Variants in RBM44 observed in about 807,000 individuals in gnomAD.
RBM44 encodes the protein RNA-binding protein 44.
In RBM44, 66 loss-of-function variants were observed where a neutral mutation model predicts 105.1. That is an observed-to-expected ratio of 0.63 (90% CI 0.52 to 0.77). The LOEUF (loss-of-function observed/expected upper bound fraction) is 0.77, where lower values mean the gene tolerates loss of function less well. RBM44 is among the 30% of genes least tolerant of loss of function. The pLI is 0.00. For missense variants in RBM44, 1,122 were observed against 1,207.8 expected (o/e 0.93, Z 1.05); for synonymous variants, 365 against 417.6 (o/e 0.87, Z 1.54).
intron 1 of RBM44, among the ~76,000 whole-genome samples, chr2:237,806,684 T>C (rs972010601): frequency 2.0e-5 from 3 of 152,228 alleles, no homozygotes; most frequent in Non-Finnish European, 2.9e-5. Context: ...AAGGGAGATA[T>C]ATAAAAGAAA....
At chr2:237,831,532 C>G (rs761199017) in intron 13 of RBM44, among the ~76,000 whole-genome samples, 7 of 152,156 alleles carry the variant, frequency 4.6e-5, no homozygotes, top group Non-Finnish European at 8.8e-5. Flanking sequence ...ATCTGCTCAC[C>G]TCGGCCTCCC....
Position 237,818,169 on chromosome 2 carries a change from C to T in RBM44, c.1250C>T (p.Ala417Val), listed in dbSNP as rs368176430. The T allele has an allele frequency of 2.7e-5, 43 of 1,612,960 alleles. No individual in the cohort carries two copies. Among genetic ancestry groups the T allele is most frequent in the Non-Finnish European group, 3.6e-5 (43 of 1,179,456 alleles). ...TTTTCTGCTATGCTACCAAAGATCG[C>T]AGTCAGAGATAATCAGGCAATAGAA... Reference protein sequence around the residue: ...LDFSAMLPKIAVRDNQAIEDN... With the variant: ...LDFSAMLPKIVVRDNQAIEDN... The change falls in exon 3 of 16, where the codon GCA (alanine) becomes GTA (valine). Residue 417 changes from alanine (A) to valine (V), a missense_variant. Ala to Val is a moderately conservative substitution (Grantham distance 64). This residue lies in a region of RBM44 where 918 missense variants were observed against 955.3 expected (regional missense o/e 0.96). Transcript: ENST00000316997. This position sits in a 1 kb window ranked among gnomAD's most constrained non-coding sequence, Gnocchi z 4.6.
At chr2:237,825,880 T>C (rs1308900463) in intron 10 of RBM44, among the ~76,000 whole-genome samples, 2 of 152,158 alleles carry the variant, frequency 1.3e-5, no homozygotes, top group Admixed American at 1.3e-4. Flanking sequence ...AATACATCAT[T>C]ATTCAAAGAG....
intron 1 of RBM44, among the ~76,000 whole-genome samples, chr2:237,805,095 A>G (rs2061585395): frequency 6.6e-6 from 1 of 152,234 alleles, no homozygotes; most frequent in Non-Finnish European, 1.5e-5. Context: ...AGAAAACCCC[A>G]TAGTCTATTC....
intron 1 of RBM44, among the ~76,000 whole-genome samples, chr2:237,810,498 A>G (rs1249798530): frequency 1.3e-5 from 2 of 152,174 alleles, no homozygotes; most frequent in Non-Finnish European, 2.9e-5. Flanking sequence ...CATTTTTCCA[A>G]GTCTCACCTT....
chr2:237,810,595 C>A (rs962627486), intron 1 of RBM44, among the ~76,000 whole-genome samples: 3 of 152,074 alleles, frequency 2.0e-5, no homozygotes, highest in Non-Finnish European at 4.4e-5. Flanking sequence ...ACAAATTTTG[C>A]AAAAGAGAAA....
chr2:237,817,155 CA>C lies in RBM44; in HGVS notation c.237del (p.Ser82GlnfsTer2). On this transcript the variant is annotated frameshift_variant, in exon 3 of 16. Transcript: ENST00000316997. LOFTEE classifies it high-confidence loss of function. ...SNIDKMDLLE[P>X]FFSVSQDTNT... ...ATTGACAAAATGGATTTATTAGAGCCATTTTTTTCAGTGAGTCAAGATACTA... is the reference window on the plus strand; with the variant it reads ...ATTGACAAAATGGATTTATTAGAGCCTTTTTTTCAGTGAGTCAAGATACTA... The C allele has an allele frequency of 6.2e-7, 1 of 1,606,550 alleles. No homozygotes were observed. Among genetic ancestry groups the C allele is most frequent in the Non-Finnish European group, 8.5e-7 (1 of 1,177,236 alleles).
Position 237,817,135 on chromosome 2 carries a change from C to A in RBM44, c.216C>A (p.Asp72Glu). The part of the protein sequence containing the change: ...RANNKEISNI[D>E]KMDLLEPFFS... Reference sequence around the variant, plus strand: ...ATAATAAAGAAATCAGCAATATTGACAAAATGGATTTATTAGAGCCATTTT... The same window carrying A: ...ATAATAAAGAAATCAGCAATATTGAAAAAATGGATTTATTAGAGCCATTTT... Residue 72 changes from aspartate (D) to glutamate (E), a missense_variant, in exon 3 of 16, where the codon GAC becomes GAA. Around this residue, in one of 3 missense-constraint regions of RBM44, gnomAD observed 918 missense variants for 955.3 expected, o/e 0.96. Coordinates refer to ENST00000316997, the MANE Select transcript of RBM44 (RefSeq NM_001080504.3). 1 of 1,608,614 alleles carries A rather than the reference C, an allele frequency of 6.2e-7. No homozygotes were observed. Among genetic ancestry groups the A allele is most frequent in the Non-Finnish European group, 8.5e-7 (1 of 1,177,980 alleles).
intron 8 of RBM44, among the ~76,000 whole-genome samples, chr2:237,822,882 T>C (rs1236087697): frequency 6.6e-6 from 1 of 152,126 alleles, no homozygotes; most frequent in East Asian, 1.9e-4. Context: ...CTCAGTATAG[T>C]GTTTCTAAAT....
intron 2 of RBM44, among the ~76,000 whole-genome samples, chr2:237,813,984 A>G (rs987378779): frequency 6.6e-6 from 1 of 152,196 alleles, no homozygotes; most frequent in African/African-American, 2.4e-5. Context: ...GAAAGTGAGC[A>G]GGTTGACTTC....
chr2:237,824,863 A>C (rs1046396130), intron 10 of RBM44, among the ~76,000 whole-genome samples: 3 of 152,234 alleles, frequency 2.0e-5, no homozygotes, highest in Admixed American at 2.0e-4. Flanking sequence ...GATAGTCCTT[A>C]ATTGCTTAGA....
chr2:237,808,514 C>T (rs1480071579), intron 1 of RBM44, among the ~76,000 whole-genome samples: 1 of 149,620 alleles, frequency 6.7e-6, no homozygotes, highest in Non-Finnish European at 1.5e-5. Context: ...AATTCTAGAA[C>T]TAAAAATTTC....
intron 1 of RBM44, among the ~76,000 whole-genome samples, chr2:237,804,349 G>A (rs537414721): frequency 6.6e-6 from 1 of 152,200 alleles, no homozygotes; most frequent in Non-Finnish European, 1.5e-5. Context: ...TGGTAGCTCT[G>A]TTTTAAGTTG....
chr2:237,809,982 A>C (rs942582012), intron 1 of RBM44, among the ~76,000 whole-genome samples: 2 of 152,226 alleles, frequency 1.3e-5, no homozygotes, highest in Non-Finnish European at 2.9e-5. Context: ...TAAATCAAAA[A>C]TGGCAAACCT....
At chr2:237,839,359 C>T (rs542293242) in intron 15 of RBM44, among the ~76,000 whole-genome samples, 91 of 152,184 alleles carry the variant, frequency 6.0e-4, no homozygotes, top group African/African-American at 2.2e-3. Context: ...CTGCAACCTC[C>T]ACCTCCCAGA....
Position 237,820,256 on chromosome 2 carries a change from A to G in RBM44, c.1818A>G (p.Ala606=). The G allele has an allele frequency of 1.3e-6, 2 of 1,596,846 alleles. No homozygotes were observed. Among genetic ancestry groups the G allele is most frequent in the Non-Finnish European group, 1.7e-6 (2 of 1,169,262 alleles). The change falls in exon 5 of 16, where the codon GCA becomes GCG. Residue 606 remains alanine (A), a synonymous_variant. Coordinates refer to ENST00000316997, the MANE Select transcript of RBM44 (RefSeq NM_001080504.3). ...CQKIMQRAIK[A]ELHLLNVHYQ... is the part of the protein sequence containing the mutation. ...AGATAATGCAGAGAGCCATAAAAGC[A>G]GAGCTGCACCTTTTAAATGTTCACT... is the stretch of plus-strand genomic sequence containing the variant.
At chr2:237,800,788 A>T (rs976288353) in intron 1 of RBM44, among the ~76,000 whole-genome samples, 1 of 145,140 alleles carries the variant, frequency 6.9e-6, no homozygotes, top group Non-Finnish European at 1.5e-5. Context: ...GTGCAATGGC[A>T]TGATCTCGGC....
intron 4 of RBM44, among the ~76,000 whole-genome samples, chr2:237,819,378 A>G (rs1410380865): frequency 6.6e-6 from 1 of 152,092 alleles, no homozygotes. Flanking sequence ...CATTTATCAG[A>G]TACTCTTGTA....
rs572691612 is a variant in RBM44, at chr2:237,817,761, A to T, written c.842A>T (p.Tyr281Phe). Residue 281 changes from tyrosine (Y) to phenylalanine (F), a missense_variant, in exon 3 of 16, where the codon TAT becomes TTT. This residue lies in a region of RBM44 where 918 missense variants were observed against 955.3 expected (regional missense o/e 0.96). Coordinates refer to ENST00000316997, the MANE Select transcript of RBM44 (RefSeq NM_001080504.3). ...REYHDLKHEK[Y>F]KEQETNSMYH... ...TATCATGACCTAAAGCATGAAAAGT[A>T]TAAGGAACAAGAGACTAATTCAATG... is the stretch of plus-strand genomic sequence containing the variant. 1.2e-6 allele frequency: 2 copies of T among 1,611,948 alleles called. No individual in the cohort carries two copies. The highest frequency in any genetic ancestry group is 1.7e-6 in the Non-Finnish European group (2 of 1,178,906).
Sources: gnomAD v4.1 joint callset for allele counts (sites outside exome capture counted in the v4.1 genomes callset) on GRCh38, gnomAD v4.1.1 for gene constraint, gnomAD v4.1.1 regional missense constraint, Gnocchi (gnomAD v3.1) non-coding constraint, MANE v1.5 for transcripts, NCBI Gene and HGNC (gene_info 2026-07-23, HGNC 2026-07-21) for gene names.